Variants in TENM2 observed in about 807,000 individuals in gnomAD.
TENM2 encodes the protein teneurin transmembrane protein 2.
A neutral mutation model predicts 245.2 loss-of-function variants in TENM2; 52 were observed. The ratio of observed to expected loss-of-function variants is 0.21; its 90% CI spans 0.17 to 0.27. The LOEUF is 0.27. Among genes scored for constraint, TENM2 ranks in the 10% least tolerant of loss-of-function variants. The probability of loss-of-function intolerance (pLI) is 1.00; values close to 1 mark genes in which losing one functional copy is unlikely to be tolerated. For missense variants in TENM2, 3,046 were observed against 3,666.8 expected (o/e 0.83, Z 4.37); for synonymous variants, 1,363 against 1,438.9 (o/e 0.95, Z 1.19).
chr5:167,845,349 A>G (rs1232530107), intron 2 of TENM2, among the ~76,000 whole-genome samples: 1 of 151,158 alleles, frequency 6.6e-6, no homozygotes, highest in African/African-American at 2.4e-5. Context: ...GCAGGAATGG[A>G]AAGGTCTTTA....
chr5:167,100,274 A>G, the TENM2 span, among the ~76,000 whole-genome samples: 1 of 152,344 alleles, frequency 6.6e-6, no homozygotes, highest in South Asian at 2.1e-4. Flanking sequence ...GGGGGAAGGC[A>G]CAGATGGAGA....
chr5:167,486,366 T>A (rs1032805031), intron 2 of TENM2, among the ~76,000 whole-genome samples: 26 of 150,982 alleles, frequency 1.7e-4, no homozygotes, highest in Non-Finnish European at 3.2e-4. Context: ...TCTCACTCTG[T>A]CGCCCAGGCT....
chr5:168,148,078 G>A (rs1156715358), intron 12 of TENM2, among the ~76,000 whole-genome samples: 1 of 152,132 alleles, frequency 6.6e-6, no homozygotes, highest in African/African-American at 2.4e-5. Context: ...CTGCCTCCTG[G>A]GAATTGCTCT....
chr5:167,294,044 T>TA (rs1247075179), intron 1 of TENM2, among the ~76,000 whole-genome samples: 1 of 151,858 alleles, frequency 6.6e-6, no homozygotes, highest in Non-Finnish European at 1.5e-5. Flanking sequence ...AATGGTAACT[T>TA]TATTTGCAAA....
intron 2 of TENM2, among the ~76,000 whole-genome samples, chr5:167,562,865 G>A (rs1324210562): frequency 6.6e-6 from 1 of 151,412 alleles, no homozygotes; most frequent in African/African-American, 2.4e-5. Context: ...GCTGAGGCAG[G>A]AGAATCGCTT....
chr5:167,247,715 G>A, the TENM2 span, among the ~76,000 whole-genome samples: 4 of 151,948 alleles, frequency 2.6e-5, no homozygotes, highest in Non-Finnish European at 5.9e-5. Context: ...CTGCTTTTTT[G>A]AATTTAAATT....
At chr5:167,953,191 G>A (rs1365254715) in intron 4 of TENM2, among the ~76,000 whole-genome samples, 17 of 152,136 alleles carry the variant, frequency 1.1e-4, no homozygotes, top group Admixed American at 9.8e-4. Flanking sequence ...AGTAATAAAT[G>A]AAGACTCATT....
intron 2 of TENM2, among the ~76,000 whole-genome samples, chr5:167,429,710 G>A (rs1156904905): frequency 2.7e-5 from 4 of 148,594 alleles, no homozygotes; most frequent in Non-Finnish European, 5.9e-5. Flanking sequence ...AGGTTCAAGC[G>A]ATTCTCCTGC....
chr5:167,196,086 A>G, the TENM2 span, among the ~76,000 whole-genome samples: 52 of 152,164 alleles, frequency 3.4e-4, no homozygotes, highest in South Asian at 0.01. Flanking sequence ...ACAAACCTGG[A>G]TGGTGCAGCC....
the TENM2 span, among the ~76,000 whole-genome samples, chr5:167,008,152 C>T: frequency 2.0e-5 from 3 of 152,090 alleles, no homozygotes; most frequent in South Asian, 2.1e-4. Context: ...AGACACGTAG[C>T]GTATATCATA....
At chr5:167,166,226 C>G in the TENM2 span, among the ~76,000 whole-genome samples, 5 of 152,176 alleles carry the variant, frequency 3.3e-5, no homozygotes. Context: ...CAAACACAGA[C>G]ACATCTGCAC....
At chr5:167,034,542 A>G in the TENM2 span, among the ~76,000 whole-genome samples, 1 of 146,360 alleles carries the variant, frequency 6.8e-6, no homozygotes, top group Non-Finnish European at 1.5e-5. Flanking sequence ...AGGCAGGAGA[A>G]TAGCGTGAAC....
intron 25 of TENM2, among the ~76,000 whole-genome samples, chr5:168,239,013 C>T (rs1476678960): frequency 6.6e-6 from 1 of 152,118 alleles, no homozygotes; most frequent in Non-Finnish European, 1.5e-5. Context: ...TTTATGTTCT[C>T]CAGGAAGCCT....
chr5:167,894,531 GT>G (rs1775018614), intron 3 of TENM2, among the ~76,000 whole-genome samples: 1 of 152,004 alleles, frequency 6.6e-6, no homozygotes, highest in Admixed American at 6.6e-5. Flanking sequence ...TGTACTTCCT[GT>G]TCCATCTGCC....
chr5:167,264,132 T>C, the TENM2 span, among the ~76,000 whole-genome samples: 13 of 151,654 alleles, frequency 8.6e-5, no homozygotes, highest in African/African-American at 3.2e-4. Flanking sequence ...AAATTCCTGT[T>C]AGTGTGGGTG....
chr5:168,088,531 C>T (rs559268411), intron 7 of TENM2, among the ~76,000 whole-genome samples: 2 of 152,266 alleles, frequency 1.3e-5, no homozygotes, highest in African/African-American at 4.8e-5. Context: ...ACGCACTGCT[C>T]GTCCGTAATC....
At chr5:167,292,358 T>G (rs1754689147) in intron 1 of TENM2, among the ~76,000 whole-genome samples, 1 of 152,212 alleles carries the variant, frequency 6.6e-6, no homozygotes, top group Admixed American at 6.5e-5. Context: ...TATCACAGCC[T>G]TGCATTTTAG....
At chr5:168,163,717 C>T (rs1420685251) in intron 13 of TENM2, among the ~76,000 whole-genome samples, 1 of 152,200 alleles carries the variant, frequency 6.6e-6, no homozygotes, top group Non-Finnish European at 1.5e-5. Context: ...AGATAATTCA[C>T]CAGGCCATCT....
chr5:167,413,991 A>G (rs1763039690), intron 2 of TENM2, among the ~76,000 whole-genome samples: 1 of 152,180 alleles, frequency 6.6e-6, no homozygotes, highest in Non-Finnish European at 1.5e-5. Flanking sequence ...GTTATATTAC[A>G]GTGCTCACAG....
Sources: allele counts gnomAD v4.1 joint callset (sites outside exome capture counted in the v4.1 genomes callset), GRCh38; gene constraint gnomAD v4.1.1; transcripts MANE v1.5; gene names NCBI Gene and HGNC (gene_info 2026-07-23, HGNC 2026-07-21).